The following CAMTA1 variants were observed in gnomAD, a reference collection of about 807,000 sequenced individuals.
The protein encoded by CAMTA1 is calmodulin binding transcription activator 1, also known as calmodulin-binding transcription activator 1.
CAMTA1 carries 27 observed loss-of-function variants against 170.9 expected under a neutral mutation model. The observed-to-expected ratio is 0.16, with a 90% CI of 0.12 to 0.22. CAMTA1 has a LOEUF of 0.22. Ranked by LOEUF, CAMTA1 falls within the 10% of genes least tolerant of loss-of-function variation. CAMTA1 has a pLI of 1.00. For missense variants in CAMTA1, 1,619 were observed against 2,217.2 expected (o/e 0.73, Z 5.42); for synonymous variants, 833 against 891.5 (o/e 0.93, Z 1.17).
intron 4 of CAMTA1, chr1:7,142,154 T>G (rs781051648): frequency 3.9e-6 from 2 of 518,598 alleles, no homozygotes; most frequent in Admixed American, 3.9e-5. Flanking sequence ...TGGAGAGCCC[T>G]GCTCTACTGC....
At position 6,970,298 on chromosome 1, in the gene CAMTA1, G is replaced by T. The variant is rs1235484160; in HGVS notation, c.235-121006G>T. On this transcript the variant is annotated intron_variant, in intron 3 of 22. Coordinates refer to ENST00000303635, the MANE Select transcript of CAMTA1 (RefSeq NM_015215.4). This position sits in a 1 kb window ranked among gnomAD's most constrained non-coding sequence, Gnocchi z 4.4. ...TTTAGTGTATCTGTAATCCTAATGT[G>T]TACGGGACCTTATGTCCTGCTTTGC... is the stretch of plus-strand genomic sequence containing the variant. 6.6e-6 allele frequency among the ~76,000 whole-genome samples: 1 copy of T among 152,204 alleles called. No individual in the cohort carries two copies. The highest frequency in any genetic ancestry group is 1.5e-5 in the Non-Finnish European group (1 of 68,040).
intron 6 of CAMTA1, among the ~76,000 whole-genome samples, chr1:7,501,275 T>C (rs1037584701): frequency 6.6e-6 from 1 of 152,032 alleles, no homozygotes; most frequent in Non-Finnish European, 1.5e-5. Flanking sequence ...GGAGGCAGAT[T>C]GCTGAGATGA....
intron 16 of CAMTA1, among the ~76,000 whole-genome samples, chr1:7,740,539 C>T (rs1437384238): frequency 1.3e-5 from 2 of 152,212 alleles, no homozygotes; most frequent in Non-Finnish European, 1.5e-5. Flanking sequence ...ACCAACTGAG[C>T]ATCGAGAACA....
chr1:7,260,493 T>A (rs1668007686), intron 5 of CAMTA1, among the ~76,000 whole-genome samples: 1 of 152,218 alleles, frequency 6.6e-6, no homozygotes, highest in South Asian at 2.1e-4. Flanking sequence ...CCTGTTTCTC[T>A]TAAAAGCTCA....
At chr1:7,757,853 C>T (rs1456118175) in intron 22 of CAMTA1, among the ~76,000 whole-genome samples, 5 of 152,116 alleles carry the variant, frequency 3.3e-5, no homozygotes, top group African/African-American at 1.2e-4. Flanking sequence ...GGGAAAAAAG[C>T]AGCTATACTC....
chr1:7,684,931 G>A (rs1353927710), intron 11 of CAMTA1, among the ~76,000 whole-genome samples: 1 of 152,190 alleles, frequency 6.6e-6, no homozygotes, highest in Non-Finnish European at 1.5e-5. Flanking sequence ...TGTGCACGGG[G>A]TTCTGCCCTA....
chr1:7,220,845 A>G (rs184155115), intron 4 of CAMTA1, among the ~76,000 whole-genome samples: 12 of 152,328 alleles, frequency 7.9e-5, no homozygotes, highest in African/African-American at 1.7e-4. Flanking sequence ...GTGCCTGGAC[A>G]TGGAGAAGAA....
Position 7,033,028 on chromosome 1 carries a change from G to A in CAMTA1, c.235-58276G>A, listed in dbSNP as rs1037496352. On this transcript the variant is annotated intron_variant, in intron 3 of 22. Transcript: ENST00000303635. ...TTAATCAAGATGATTATGATGTGCC[G>A]TGGTGTAGTTTTCTTATGTTTCTGG... Among the ~76,000 whole-genome samples the A allele has an allele frequency of 7.9e-5, 12 of 152,190 alleles. No homozygotes were observed. The South Asian group carries it at 1.0e-3, about 13-fold the overall frequency.
chr1:7,490,911 T>C (rs1437531774), intron 6 of CAMTA1, among the ~76,000 whole-genome samples: 1 of 152,154 alleles, frequency 6.6e-6, no homozygotes. Context: ...CCCAAAGCAG[T>C]TTAGGACTTC....
At chr1:7,474,425 TG>T (rs35403365) in intron 6 of CAMTA1, among the ~76,000 whole-genome samples, 24,196 of 151,850 alleles carry the variant, frequency 0.16, 2,101 homozygotes, top group African/African-American at 0.22. Context: ...GTTGGAGGAG[TG>T]GAAGTCTGCA....
rs1483809006 is a variant in CAMTA1 at position 7,680,867 on chromosome 1, G to C, written c.2914+3134G>C. The stretch of plus-strand genomic sequence containing the variant: ...ACGCGCGCGCGCGCGCGCGCCAGCA[G>C]CAGCAGCAGCAGCAGCTGCTGCGGC... On this transcript the variant is annotated intron_variant, in intron 11 of 22. Transcript: ENST00000303635. This position sits in a 1 kb window ranked among gnomAD's most constrained non-coding sequence, Gnocchi z 4.4. 2.7e-3 allele frequency among the ~76,000 whole-genome samples: 368 copies of C among 137,680 alleles called. 1 individual carries two copies. The highest frequency in any genetic ancestry group is 4.4e-3 in the Non-Finnish European group (269 of 61,614). 90.3% of individuals were successfully genotyped at this position (137,680 alleles called of 152,430 possible). A position where few individuals can be genotyped will look rare whatever the true frequency, so the allele number is the denominator to read the frequency against.
intron 3 of CAMTA1, among the ~76,000 whole-genome samples, chr1:7,046,013 T>C (rs187424110): frequency 8.0e-5 from 12 of 150,160 alleles, no homozygotes; most frequent in African/African-American, 2.8e-4. Flanking sequence ...AAAACCCAGC[T>C]CTTCTGAAAG....
intron 3 of CAMTA1, among the ~76,000 whole-genome samples, chr1:6,969,389 G>A (rs977352131): frequency 1.3e-5 from 2 of 152,208 alleles, no homozygotes; most frequent in Non-Finnish European, 2.9e-5. Flanking sequence ...GGGAGTGAGC[G>A]GCTAGGTTGG....
intron 6 of CAMTA1, among the ~76,000 whole-genome samples, chr1:7,611,542 G>A (rs950363255): frequency 7.2e-5 from 11 of 152,348 alleles, no homozygotes; most frequent in Non-Finnish European, 7.3e-5. Context: ...GCCTGACCCG[G>A]GTGGGTGTGA....
At chr1:7,291,383 A>G (rs1437913407) in intron 5 of CAMTA1, among the ~76,000 whole-genome samples, 1 of 152,116 alleles carries the variant, frequency 6.6e-6, no homozygotes, top group Non-Finnish European at 1.5e-5. Context: ...ACGTGAAAAC[A>G]GTGGGCCTCA....
intron 4 of CAMTA1, among the ~76,000 whole-genome samples, chr1:7,187,518 T>C (rs552453187): frequency 1.3e-5 from 2 of 152,308 alleles, no homozygotes; most frequent in East Asian, 1.9e-4. Context: ...GATCATAAAA[T>C]CTAAACAGCT....
chr1:7,348,927 C>G (rs1279961548), intron 5 of CAMTA1, among the ~76,000 whole-genome samples: 1 of 152,182 alleles, frequency 6.6e-6, no homozygotes, highest in Non-Finnish European at 1.5e-5. Context: ...CATTTCCTCA[C>G]CTTCTGGGTC....
At chr1:6,849,405 C>T (rs978333298) in intron 3 of CAMTA1, among the ~76,000 whole-genome samples, 2 of 151,604 alleles carry the variant, frequency 1.3e-5, no homozygotes, top group African/African-American at 4.9e-5. Flanking sequence ...GAAAGAGCTT[C>T]CAGAAATGAA....
rs767072505 is a variant in CAMTA1 at position 7,661,869 on chromosome 1, G to A, written c.805+3G>A. 6 of 1,606,692 alleles carry A rather than the reference G, an allele frequency of 3.7e-6. No individual in the cohort carries two copies. The highest frequency in any genetic ancestry group is 2.2e-5 in the East Asian group (1 of 44,640). Reference sequence around the variant, plus strand: ...CTGCCTCTGCACCGGCAGCCTGGGTGAGCCGGGGCTCCCGGGGCAGGCGGG... The same window carrying A: ...CTGCCTCTGCACCGGCAGCCTGGGTAAGCCGGGGCTCCCGGGGCAGGCGGG... On this transcript the variant is annotated splice_donor_region_variant and intron_variant, in intron 8 of 22. Coordinates refer to ENST00000303635, the MANE Select transcript of CAMTA1 (RefSeq NM_015215.4).
Sources: gnomAD v4.1 joint callset for allele counts (sites outside exome capture counted in the v4.1 genomes callset) on GRCh38, gnomAD v4.1.1 for gene constraint, Gnocchi (gnomAD v3.1) non-coding constraint, MANE v1.5 for transcripts, NCBI Gene and HGNC (gene_info 2026-07-23, HGNC 2026-07-21) for gene names.